The following SMOC2 variants were observed in gnomAD, a reference collection of about 807,000 sequenced individuals.
SMOC2 encodes SPARC-related modular calcium-binding protein 2.
In SMOC2, 39 loss-of-function variants were observed where a neutral mutation model predicts 61.4. That is an observed-to-expected ratio of 0.64 (90% CI 0.49 to 0.83). The LOEUF (loss-of-function observed/expected upper bound fraction) is 0.83. Ranked by LOEUF, SMOC2 falls within the 40% of genes least tolerant of loss-of-function variation. The pLI, the probability that SMOC2 is intolerant of heterozygous loss-of-function variation, is 0.00. For missense variants in SMOC2, 556 were observed against 592.9 expected (o/e 0.94, Z 0.65); for synonymous variants, 247 against 239.9 (o/e 1.03, Z -0.27).
chr6:168,623,242 G>C (rs901869766), intron 9 of SMOC2, among the ~76,000 whole-genome samples: 2 of 152,132 alleles, frequency 1.3e-5, no homozygotes, highest in African/African-American at 4.8e-5. Flanking sequence ...GACAGAGCAG[G>C]CTGGAGGGCT....
intron 7 of SMOC2, among the ~76,000 whole-genome samples, chr6:168,563,974 C>A (rs1464567720): frequency 6.6e-6 from 1 of 152,124 alleles, no homozygotes; most frequent in Non-Finnish European, 1.5e-5. Flanking sequence ...TAAAGCACAC[C>A]CTGGAGTAGA....
At chr6:168,496,567 G>A (rs1187108668) in intron 1 of SMOC2, among the ~76,000 whole-genome samples, 6 of 152,300 alleles carry the variant, frequency 3.9e-5, no homozygotes, top group East Asian at 3.9e-4. Flanking sequence ...ATCGCCTGTC[G>A]CCCCAGCCCT....
intron 2 of SMOC2, among the ~76,000 whole-genome samples, chr6:168,519,784 A>G (rs184357997): frequency 2.0e-5 from 3 of 152,316 alleles, no homozygotes; most frequent in Non-Finnish European, 4.4e-5. Flanking sequence ...GTTGCAAATC[A>G]CTGATATTTT....
At chr6:168,501,726 C>T (rs1227734559) in intron 1 of SMOC2, among the ~76,000 whole-genome samples, 6 of 152,262 alleles carry the variant, frequency 3.9e-5, no homozygotes, top group Non-Finnish European at 4.4e-5. Context: ...TCCTGCTTTC[C>T]TCTGGGATCT....
intron 1 of SMOC2, among the ~76,000 whole-genome samples, chr6:168,470,315 T>C (rs1781942569): frequency 6.6e-6 from 1 of 152,240 alleles, no homozygotes; most frequent in South Asian, 2.1e-4. Context: ...AAATACCTGT[T>C]GTTAGTGAAG....
At chr6:168,530,990 C>CCAGTGCCTTCCT (rs1205370052) in intron 4 of SMOC2, among the ~76,000 whole-genome samples, 1 of 152,146 alleles carries the variant, frequency 6.6e-6, no homozygotes, top group Non-Finnish European at 1.5e-5. Context: ...ATGAAAAGGT[C>CCAGTGCCTTCCT]CAGTGCCTTC....
chr6:168,529,459 G>T (rs1258264117), intron 4 of SMOC2, among the ~76,000 whole-genome samples: 2 of 152,204 alleles, frequency 1.3e-5, no homozygotes, highest in Non-Finnish European at 2.9e-5. Flanking sequence ...GTGTTGGCAG[G>T]ACAAGCGTCC....
chr6:168,508,780 C>T (rs1217215894), intron 1 of SMOC2, among the ~76,000 whole-genome samples: 2 of 152,246 alleles, frequency 1.3e-5, no homozygotes, highest in Non-Finnish European at 2.9e-5. Context: ...CCACATAGCC[C>T]CGCTCACGTG....
chr6:168,595,810 TTATTTTGCTTATGATAAGCTTTCAAA>T (rs1785316205), intron 7 of SMOC2, among the ~76,000 whole-genome samples: 1 of 152,260 alleles, frequency 6.6e-6, no homozygotes, highest in Non-Finnish European at 1.5e-5. Flanking sequence ...TTAATCCATC[TTATTTTGCTTATGATAAGCTTTCAAA>T]TATCACATAA....
intron 9 of SMOC2, among the ~76,000 whole-genome samples, chr6:168,641,931 AAAAT>A (rs1261134085): frequency 1.3e-5 from 2 of 152,258 alleles, no homozygotes; most frequent in African/African-American, 4.8e-5. Context: ...CAAGGATATG[AAAAT>A]AAATATAGAA....
chr6:168,655,318 A>T (rs1787293394), intron 11 of SMOC2: 1 of 441,744 alleles, frequency 2.3e-6, no homozygotes, highest in Non-Finnish European at 4.6e-6. Context: ...GGCCCAGACC[A>T]GTTATTCCAA....
intron 1 of SMOC2, among the ~76,000 whole-genome samples, chr6:168,503,476 C>T (rs1782785060): frequency 6.6e-6 from 1 of 152,156 alleles, no homozygotes; most frequent in Admixed American, 6.5e-5. Context: ...GCACCTCCGT[C>T]AGCAGGGCTG....
intron 8 of SMOC2, among the ~76,000 whole-genome samples, chr6:168,606,896 C>T (rs763910211): frequency 6.6e-5 from 10 of 152,056 alleles, no homozygotes; most frequent in Admixed American, 2.0e-4. Context: ...CTGAGGAGGC[C>T]GCCACGAAGG....
chr6:168,532,022 T>C (rs1186699699), intron 4 of SMOC2, among the ~76,000 whole-genome samples: 5 of 152,202 alleles, frequency 3.3e-5, no homozygotes, highest in African/African-American at 1.2e-4. Flanking sequence ...CTCGGAGACG[T>C]ATCCAAGTCC....
chr6:168,541,554 C>T (rs1562337263), intron 4 of SMOC2, among the ~76,000 whole-genome samples: 1 of 152,130 alleles, frequency 6.6e-6, no homozygotes, highest in Admixed American at 6.5e-5. Flanking sequence ...ATATGTGGAG[C>T]TATTTTCCCA....
intron 1 of SMOC2, among the ~76,000 whole-genome samples, chr6:168,478,443 G>A (rs965456673): frequency 1.3e-5 from 2 of 152,152 alleles, no homozygotes; most frequent in Non-Finnish European, 2.9e-5. Context: ...ATGTGGGTAA[G>A]CACAGCATTA....
chr6:168,518,091 C>A (rs930875582), intron 2 of SMOC2, among the ~76,000 whole-genome samples: 1 of 152,246 alleles, frequency 6.6e-6, no homozygotes, highest in African/African-American at 2.4e-5. Context: ...GAGCTCCACA[C>A]CTGCCCGTTC....
intron 9 of SMOC2, among the ~76,000 whole-genome samples, chr6:168,631,223 C>G (rs987842948): frequency 6.6e-6 from 1 of 152,178 alleles, no homozygotes; most frequent in East Asian, 1.9e-4. Flanking sequence ...TACTCTGTCC[C>G]TTTATTTCTC....
chr6:168,555,168 C>T (rs975857269), intron 7 of SMOC2, among the ~76,000 whole-genome samples: 11 of 152,190 alleles, frequency 7.2e-5, no homozygotes, highest in African/African-American at 2.7e-4. Flanking sequence ...TTTCCTTCTT[C>T]GGTAACATGT....
Sources: gnomAD v4.1 joint callset for allele counts (sites outside exome capture counted in the v4.1 genomes callset) on GRCh38, gnomAD v4.1.1 for gene constraint, MANE v1.5 for transcripts, NCBI Gene and HGNC (gene_info 2026-07-23, HGNC 2026-07-21) for gene names.